GPC5: variants seen among roughly 807,000 people sequenced by gnomAD.
The protein encoded by GPC5 is glypican-5.
A neutral mutation model predicts 53.9 loss-of-function variants in GPC5; 47 were observed. The ratio of observed to expected loss-of-function variants is 0.87; its 90% CI spans 0.69 to 1.11. GPC5 has a LOEUF of 1.11. Among genes scored for constraint, GPC5 ranks in the 50% most tolerant of loss-of-function variants. The pLI, the probability that GPC5 is intolerant of heterozygous loss-of-function variation, is 0.00. For missense variants in GPC5, 748 were observed against 713.1 expected, an observed-to-expected ratio of 1.05 and a Z score of -0.56; for synonymous variants, 286 against 263.3, an observed-to-expected ratio of 1.09 and a Z score of -0.84.
At chr13:91,805,548 A>G (rs1285558874) in intron 5 of GPC5, among the ~76,000 whole-genome samples, 1 of 152,232 alleles carries the variant, frequency 6.6e-6, no homozygotes, top group East Asian at 1.9e-4. Flanking sequence ...ATGAAAGACT[A>G]GAACATACCC....
chr13:91,561,151 A>T (rs2138908717), intron 2 of GPC5, among the ~76,000 whole-genome samples: 1 of 152,284 alleles, frequency 6.6e-6, no homozygotes, highest in South Asian at 2.1e-4. Flanking sequence ...ATGGAATCTT[A>T]CTTCATTTCT....
chr13:92,192,196 C>T (rs960395489), intron 7 of GPC5, among the ~76,000 whole-genome samples: 36 of 152,174 alleles, frequency 2.4e-4, no homozygotes, highest in Admixed American at 1.0e-3. Context: ...ACTCAGAGAA[C>T]GTACAATACC....
intron 5 of GPC5, among the ~76,000 whole-genome samples, chr13:91,905,741 G>T (rs978603144): frequency 2.0e-5 from 3 of 152,054 alleles, no homozygotes; most frequent in African/African-American, 7.2e-5. Flanking sequence ...TAAAAATTCA[G>T]AGGGTGTTTA....
chr13:91,407,576 G>T (rs1174220692), intron 1 of GPC5, among the ~76,000 whole-genome samples: 2 of 152,028 alleles, frequency 1.3e-5, no homozygotes, highest in African/African-American at 4.8e-5. Flanking sequence ...TTTTTTTTCT[G>T]CAAAATAGTA....
At chr13:92,329,753 C>T (rs2043276069) in intron 7 of GPC5, among the ~76,000 whole-genome samples, 1 of 152,026 alleles carries the variant, frequency 6.6e-6, no homozygotes, top group African/African-American at 2.4e-5. Context: ...GGCAAGAAAA[C>T]CATGGTGATA....
chr13:91,842,548 A>G (rs914977670), intron 5 of GPC5, among the ~76,000 whole-genome samples: 11 of 150,050 alleles, frequency 7.3e-5, no homozygotes, highest in Non-Finnish European at 1.6e-4. Context: ...TAAAAATACA[A>G]AAAATTAGCC....
At chr13:92,852,987 A>T (rs1878865315) in intron 7 of GPC5, among the ~76,000 whole-genome samples, 1 of 152,180 alleles carries the variant, frequency 6.6e-6, no homozygotes, top group African/African-American at 2.4e-5. Context: ...TTGTCTAACA[A>T]TTGCTGAGCT....
rs564629388 is a variant in GPC5 at position 92,033,558 on chromosome 13, A to G, written c.1402-111272A>G. Among the ~76,000 whole-genome samples, 58 of 152,328 alleles carry G rather than the reference A, an allele frequency of 3.8e-4. No individual in the cohort carries two copies. The South Asian group carries it at 0.011, about 30-fold the overall frequency. ...TGGAGGTTGAAAAATTATGTACTGT[A>G]CATGATACAATCAATCTAATTTTCA... is the stretch of plus-strand genomic sequence containing the variant. On this transcript the variant is annotated intron_variant, in intron 6 of 7. Coordinates refer to ENST00000377067, the MANE Select transcript of GPC5 (RefSeq NM_004466.6).
At chr13:91,477,685 A>G (rs1485618566) in intron 2 of GPC5, among the ~76,000 whole-genome samples, 1 of 152,234 alleles carries the variant, frequency 6.6e-6, no homozygotes, top group Non-Finnish European at 1.5e-5. Context: ...AGTGAGGCAT[A>G]CAAGGGGCCT....
chr13:92,774,445 C>A (rs139587543), intron 7 of GPC5, among the ~76,000 whole-genome samples: 97 of 152,286 alleles, frequency 6.4e-4, no homozygotes, highest in African/African-American at 2.2e-3. Flanking sequence ...TGTGAATAAT[C>A]TATAACTGAA....
chr13:91,762,667 A>T (rs1479364034), intron 5 of GPC5, among the ~76,000 whole-genome samples: 1 of 150,752 alleles, frequency 6.6e-6, no homozygotes, highest in Non-Finnish European at 1.5e-5. Flanking sequence ...AATAATTATC[A>T]TTATCATACC....
rs979976363 is a variant in GPC5, at chr13:92,477,376, G to A, written c.1561+332387G>A. Among the ~76,000 whole-genome samples, 4 of 152,086 alleles carry A rather than the reference G, an allele frequency of 2.6e-5. No homozygotes were observed. The East Asian group carries it at 7.7e-4, about 29-fold the overall frequency. ...TCAATACTTTAGAGTCCTCAGCCCA[G>A]TATCTGATAGTGGGTGTAGATATTT... On this transcript the variant is annotated intron_variant, in intron 7 of 7. Coordinates refer to ENST00000377067, the MANE Select transcript of GPC5 (RefSeq NM_004466.6).
chr13:91,856,117 A>G (rs1439722900), intron 5 of GPC5, among the ~76,000 whole-genome samples: 1 of 151,338 alleles, frequency 6.6e-6, no homozygotes, highest in Non-Finnish European at 1.5e-5. Context: ...GTGTATTGAT[A>G]TTTCATTGTT....
In GPC5 at chr13:92,488,034, ATAT is replaced by A. The variant is rs1364077464; in HGVS notation, c.1561+343047_1561+343049del. On this transcript the variant is annotated intron_variant, in intron 7 of 7. Coordinates refer to ENST00000377067, the MANE Select transcript of GPC5 (RefSeq NM_004466.6). The stretch of plus-strand genomic sequence containing the variant: ...GAAGTCATCAAACTGTATACTTATA[ATAT>A]TTGCTCTTTTCTTCATATTCTACCT... Among the ~76,000 whole-genome samples, 3 of 152,038 alleles carry A rather than the reference ATAT, an allele frequency of 2.0e-5. No individual in the cohort carries two copies. In the East Asian group the frequency reaches 5.8e-4, roughly 29 times the overall value.
chr13:92,035,255 G>A (rs2040883753), intron 6 of GPC5, among the ~76,000 whole-genome samples: 2 of 151,798 alleles, frequency 1.3e-5, no homozygotes, highest in South Asian at 4.2e-4. Flanking sequence ...GGCAAAACTG[G>A]AACCTGTTCC....
chr13:92,741,761 G>A (rs752623614), intron 7 of GPC5, among the ~76,000 whole-genome samples: 16 of 151,866 alleles, frequency 1.1e-4, no homozygotes, highest in South Asian at 1.0e-3. Flanking sequence ...AGCAGGCCCC[G>A]GTGTGTGATG....
chr13:91,949,730 A>T (rs766659439), intron 6 of GPC5, among the ~76,000 whole-genome samples: 1 of 152,212 alleles, frequency 6.6e-6, no homozygotes, highest in Non-Finnish European at 1.5e-5. Flanking sequence ...CAGGTACAAA[A>T]GCAAAAAATC....
At position 92,309,217 on chromosome 13, in the gene GPC5, G is replaced by A. The variant is rs577443603; in HGVS notation, c.1561+164228G>A. On this transcript the variant is annotated intron_variant, in intron 7 of 7. Transcript: ENST00000377067. ...TGTGCAATTTCTGATTGTAAGAGCT[G>A]TGGTATACCGCAATGATTGAGGAAG... Among the ~76,000 whole-genome samples, 13 of 152,178 alleles carry A rather than the reference G, an allele frequency of 8.5e-5. No homozygotes were observed. The South Asian group carries it at 2.7e-3, about 32-fold the overall frequency.
At chr13:92,379,759 T>A (rs1293236604) in intron 7 of GPC5, among the ~76,000 whole-genome samples, 1 of 152,190 alleles carries the variant, frequency 6.6e-6, no homozygotes, top group Non-Finnish European at 1.5e-5. Flanking sequence ...AAATTAGCAC[T>A]ATTAGTTCCT....
Sources: allele counts gnomAD v4.1 joint callset (sites outside exome capture counted in the v4.1 genomes callset), GRCh38; gene constraint gnomAD v4.1.1; transcripts MANE v1.5; gene names NCBI Gene and HGNC (gene_info 2026-07-23, HGNC 2026-07-21).